The following RUNX2 variants were observed in gnomAD, a reference collection of about 807,000 sequenced individuals.
The protein encoded by RUNX2 is RUNX family transcription factor 2.
A neutral mutation model predicts 51.7 loss-of-function variants in RUNX2; 10 were observed. That is an observed-to-expected ratio of 0.19 (90% confidence interval 0.12 to 0.33). The LOEUF (loss-of-function observed/expected upper bound fraction) is 0.33, where lower values mean the gene tolerates loss of function less well. Ranked by LOEUF, RUNX2 falls within the 10% of genes least tolerant of loss-of-function variation. RUNX2 has a pLI of 1.00. For synonymous variants in RUNX2, 276 were observed against 273.6 expected (o/e 1.01, Z -0.09); for missense variants, 562 against 691.3 (o/e 0.81, Z 2.10).
chr6:45,474,420 A>G (rs1423676232), intron 5 of RUNX2, among the ~76,000 whole-genome samples: 4 of 151,842 alleles, frequency 2.6e-5, no homozygotes, highest in Non-Finnish European at 5.9e-5. Flanking sequence ...TCAGTAGACA[A>G]TACAATGTGT....
chr6:45,439,356 A>G (rs966616981), intron 5 of RUNX2, among the ~76,000 whole-genome samples: 1 of 152,198 alleles, frequency 6.6e-6, no homozygotes, highest in Non-Finnish European at 1.5e-5. Context: ...CCAAGTCTCT[A>G]GTCCTAAGGG....
chr6:45,498,350 T>C (rs1449608379), intron 6 of RUNX2, among the ~76,000 whole-genome samples: 1 of 152,226 alleles, frequency 6.6e-6, no homozygotes, highest in Admixed American at 6.5e-5. Context: ...TGCAGTTGAC[T>C]GTGAGTTCCT....
At chr6:45,370,405 C>A (rs1795865423) in intron 2 of RUNX2, among the ~76,000 whole-genome samples, 1 of 151,920 alleles carries the variant, frequency 6.6e-6, no homozygotes, top group South Asian at 2.1e-4. Context: ...AAAAACAGTT[C>A]AGTTGGGCCT....
chr6:45,399,811 G>T lies in RUNX2; in HGVS notation c.59-22782G>T, dbSNP rs184591207. On this transcript the variant is annotated intron_variant, in intron 2 of 8. Coordinates refer to ENST00000647337, the MANE Select transcript of RUNX2 (RefSeq NM_001024630.4). ...GAAAGGAGGGAAGGAAGGAAGGAGGGAGGGAAGTAAGGAAGGAAGGAAGGA... is the reference window on the plus strand; with the variant it reads ...GAAAGGAGGGAAGGAAGGAAGGAGGTAGGGAAGTAAGGAAGGAAGGAAGGA... Among the ~76,000 whole-genome samples, 295 of 148,998 alleles carry T rather than the reference G, an allele frequency of 2.0e-3. 1 individual carries two copies. Among genetic ancestry groups the T allele is most frequent in the African/African-American group, 7.1e-3 (286 of 40,136 alleles).
chr6:45,415,732 G>A (rs1208229510), intron 2 of RUNX2, among the ~76,000 whole-genome samples: 5 of 152,088 alleles, frequency 3.3e-5, no homozygotes, highest in African/African-American at 9.7e-5. Context: ...CTTTCCTCCT[G>A]CAATGTCTTT....
intron 5 of RUNX2, among the ~76,000 whole-genome samples, chr6:45,464,408 C>T (rs1799566348): frequency 1.3e-5 from 2 of 150,064 alleles, no homozygotes; most frequent in Admixed American, 1.3e-4. Flanking sequence ...TAAATATAAA[C>T]TTTTTTTTTT....
At chr6:45,501,942 G>A (rs1800810638) in intron 6 of RUNX2, among the ~76,000 whole-genome samples, 1 of 152,126 alleles carries the variant, frequency 6.6e-6, no homozygotes, top group South Asian at 2.1e-4. Flanking sequence ...ATGGAATAAG[G>A]GAATGTAAAA....
At chr6:45,403,229 CTTT>C in intron 2 of RUNX2, among the ~76,000 whole-genome samples, 1 of 108,840 alleles carries the variant, frequency 9.2e-6, no homozygotes, top group African/African-American at 3.1e-5. Context: ...GTTTGAGTTT[CTTT>C]TTTTTTTTTT....
chr6:45,512,017 A>AT (rs1427934495), intron 6 of RUNX2, among the ~76,000 whole-genome samples: 1 of 152,044 alleles, frequency 6.6e-6, no homozygotes, highest in East Asian at 1.9e-4. Context: ...TGCATCATCC[A>AT]TTTTGTTGCT....
chr6:45,505,866 T>C (rs1290953570), intron 6 of RUNX2, among the ~76,000 whole-genome samples: 2 of 152,176 alleles, frequency 1.3e-5, no homozygotes, highest in Non-Finnish European at 2.9e-5. Context: ...TTCCTTTCCA[T>C]CTTTAGAGCG....
chr6:45,472,463 G>A (rs1023199185), intron 5 of RUNX2, among the ~76,000 whole-genome samples: 2 of 152,188 alleles, frequency 1.3e-5, no homozygotes, highest in African/African-American at 4.8e-5. Context: ...CTTTCGATAT[G>A]TTCTGCAGGC....
chr6:45,532,567 A>C (rs534107014), intron 7 of RUNX2, among the ~76,000 whole-genome samples: 4 of 152,268 alleles, frequency 2.6e-5, no homozygotes, highest in African/African-American at 9.6e-5. Flanking sequence ...TAAAATTGCT[A>C]TCCATGGCCA....
intron 4 of RUNX2, among the ~76,000 whole-genome samples, chr6:45,433,265 A>C (rs1001504183): frequency 6.6e-6 from 1 of 152,224 alleles, no homozygotes; most frequent in Non-Finnish European, 1.5e-5. Flanking sequence ...AGGTTTAGTT[A>C]ACTTTCATAA....
Position 45,479,545 on chromosome 6 carries a change from C to T in RUNX2, c.686-12396C>T, listed in dbSNP as rs188014812. Among the ~76,000 whole-genome samples, 735 of 152,174 alleles carry T rather than the reference C, an allele frequency of 4.8e-3. 11 individuals carry two copies. Among genetic ancestry groups the T allele is most frequent in the African/African-American group, 0.017 (694 of 41,496 alleles). Reference sequence around the variant, plus strand: ...TGGCTGGATTATTCCTCTCTGTACACATAGGTATGCATATAATAGAGATAA... The same window carrying T: ...TGGCTGGATTATTCCTCTCTGTACATATAGGTATGCATATAATAGAGATAA... On this transcript the variant is annotated intron_variant, in intron 5 of 8. Transcript: ENST00000647337.
At chr6:45,339,889 C>G (rs543559228) in intron 2 of RUNX2, among the ~76,000 whole-genome samples, 2 of 152,016 alleles carry the variant, frequency 1.3e-5, no homozygotes, top group Non-Finnish European at 2.9e-5. Context: ...GTTTACTGTA[C>G]CGGGTACTAT....
At chr6:45,462,987 A>G (rs1047898238) in intron 5 of RUNX2, among the ~76,000 whole-genome samples, 4 of 152,196 alleles carry the variant, frequency 2.6e-5, no homozygotes, top group African/African-American at 9.7e-5. Context: ...AGTTGTCCCC[A>G]TCTGGCCCTA....
At chr6:45,374,424 T>C (rs975366652) in intron 2 of RUNX2, among the ~76,000 whole-genome samples, 5 of 152,336 alleles carry the variant, frequency 3.3e-5, no homozygotes, top group African/African-American at 1.2e-4. Context: ...GAACCCAGTA[T>C]TCTTAGGAAG....
intron 7 of RUNX2, among the ~76,000 whole-genome samples, chr6:45,532,609 C>A (rs576775601): frequency 2.7e-4 from 41 of 152,262 alleles, no homozygotes; most frequent in African/African-American, 8.4e-4. Flanking sequence ...AAAAAATGAA[C>A]CACCAATGAC....
chr6:45,525,027 C>T (rs748052082), intron 7 of RUNX2, among the ~76,000 whole-genome samples: 1 of 152,180 alleles, frequency 6.6e-6, no homozygotes, highest in Non-Finnish European at 1.5e-5. Context: ...AGGAGAATTG[C>T]TTGAACCCGG....
Sources: gnomAD v4.1 joint callset for allele counts (sites outside exome capture counted in the v4.1 genomes callset) on GRCh38, gnomAD v4.1.1 for gene constraint, MANE v1.5 for transcripts, NCBI Gene and HGNC (gene_info 2026-07-23, HGNC 2026-07-21) for gene names.